The following CLYBL variants were observed in gnomAD, a reference collection of about 807,000 sequenced individuals.
CLYBL encodes citramalyl-CoA lyase, mitochondrial.
A neutral mutation model predicts 38.9 loss-of-function variants in CLYBL; 31 were observed. The observed-to-expected ratio is 0.80, with a 90% CI of 0.60 to 1.08. CLYBL has a LOEUF of 1.08. Among genes scored for constraint, CLYBL ranks in the 50% least tolerant of loss-of-function variants. The probability of loss-of-function intolerance (pLI) is 0.00; values close to 1 mark genes in which losing one functional copy is unlikely to be tolerated. For synonymous variants in CLYBL, 171 were observed against 158.6 expected (o/e 1.08, Z -0.59); for missense variants, 434 against 411.6 (o/e 1.05, Z -0.47).
chr13:99,708,025 C>A (rs575661691), intron 1 of CLYBL, among the ~76,000 whole-genome samples: 2 of 152,158 alleles, frequency 1.3e-5, no homozygotes, highest in Non-Finnish European at 2.9e-5. Context: ...GCTCTGTCAC[C>A]CAGGCTGGAT....
At chr13:99,619,765 G>A (rs17576658) in intron 1 of CLYBL, among the ~76,000 whole-genome samples, 28,570 of 152,154 alleles carry the variant, frequency 0.19, 3,331 homozygotes, top group Middle Eastern at 0.29. Context: ...GGATGGACAA[G>A]TTTCTTCCTG....
chr13:99,728,831 C>T (rs1297825759), intron 1 of CLYBL, among the ~76,000 whole-genome samples: 2 of 152,170 alleles, frequency 1.3e-5, no homozygotes, highest in African/African-American at 4.8e-5. Flanking sequence ...AAGCCTCCCA[C>T]CTCAGCCTCC....
At chr13:99,689,191 A>T (rs2047863161) in intron 1 of CLYBL, among the ~76,000 whole-genome samples, 1 of 152,308 alleles carries the variant, frequency 6.6e-6, no homozygotes, top group South Asian at 2.1e-4. Flanking sequence ...TTGACATTTT[A>T]AGCTTCATTA....
intron 1 of CLYBL, among the ~76,000 whole-genome samples, chr13:99,680,787 G>T (rs1461304238): frequency 6.6e-6 from 1 of 152,046 alleles, no homozygotes; most frequent in Non-Finnish European, 1.5e-5. Flanking sequence ...TGAAACTAAG[G>T]GCCCAGTCTT....
intron 1 of CLYBL, among the ~76,000 whole-genome samples, chr13:99,734,432 G>A (rs1056512873): frequency 3.3e-5 from 5 of 151,844 alleles, no homozygotes; most frequent in Non-Finnish European, 7.4e-5. Flanking sequence ...GGAGGAGAAT[G>A]TAACGTTGGC....
intron 1 of CLYBL, among the ~76,000 whole-genome samples, chr13:99,693,915 A>T (rs538974190): frequency 6.6e-6 from 1 of 152,194 alleles, no homozygotes; most frequent in Non-Finnish European, 1.5e-5. Flanking sequence ...GCTGGCCCCT[A>T]CTGAATTGGC....
Position 99,614,665 on chromosome 13 carries a change from C to T in CLYBL, c.62+7908C>T, listed in dbSNP as rs146584362. On this transcript the variant is annotated intron_variant, in intron 1 of 8. Coordinates refer to ENST00000339105, the MANE Select transcript of CLYBL (RefSeq NM_206808.5). Reference sequence around the variant, plus strand: ...GGCTCTGTTGCAGCTGTGTGGGGCTCGTGCTCCTACATACCGTTATCCTGT... The same window carrying T: ...GGCTCTGTTGCAGCTGTGTGGGGCTTGTGCTCCTACATACCGTTATCCTGT... Among the ~76,000 whole-genome samples, 200 of 152,224 alleles carry T rather than the reference C, an allele frequency of 1.3e-3. 3 individuals are homozygous for T. In the East Asian group the frequency reaches 0.034, roughly 26 times the overall value.
At chr13:99,616,833 G>A (rs942481874) in intron 1 of CLYBL, among the ~76,000 whole-genome samples, 4 of 152,142 alleles carry the variant, frequency 2.6e-5, no homozygotes, top group African/African-American at 9.7e-5. Context: ...GCGCATGCCT[G>A]TAGTCCCAGC....
intron 2 of CLYBL, among the ~76,000 whole-genome samples, chr13:99,847,809 G>A (rs187808052): frequency 6.4e-4 from 97 of 152,348 alleles, no homozygotes; most frequent in African/African-American, 2.2e-3. Context: ...AGGCAGGGCT[G>A]CAGGGCAGCT....
chr13:99,872,258 G>A (rs112213928), intron 7 of CLYBL, among the ~76,000 whole-genome samples: 2,283 of 152,196 alleles, frequency 0.015, 56 homozygotes, highest in African/African-American at 0.051. Flanking sequence ...AATATATTAC[G>A]TTGGAAATAC....
chr13:99,631,011 C>T (rs1201106222), intron 1 of CLYBL, among the ~76,000 whole-genome samples: 3 of 151,982 alleles, frequency 2.0e-5, no homozygotes, highest in East Asian at 1.9e-4. Flanking sequence ...ATTCTTTTAC[C>T]GTTACCAAAA....
chr13:99,848,521 C>T (rs1180126949), intron 2 of CLYBL, among the ~76,000 whole-genome samples: 1 of 152,204 alleles, frequency 6.6e-6, no homozygotes, highest in Non-Finnish European at 1.5e-5. Context: ...GGGCACATCC[C>T]CTGTTACCTA....
chr13:99,642,312 C>G (rs2047107623), intron 1 of CLYBL, among the ~76,000 whole-genome samples: 1 of 152,206 alleles, frequency 6.6e-6, no homozygotes, highest in South Asian at 2.1e-4. Flanking sequence ...TCAGCCAAAG[C>G]TGGTTGTAGG....
chr13:99,833,682 G>GTTT (rs2050870082), intron 2 of CLYBL, among the ~76,000 whole-genome samples: 1 of 69,524 alleles, frequency 1.4e-5, no homozygotes, highest in Non-Finnish European at 2.7e-5. Context: ...TTACCGTGTT[G>GTTT]CTTTTTTTTT....
intron 1 of CLYBL, among the ~76,000 whole-genome samples, chr13:99,612,386 C>CTTTTTTTTTTTTT: frequency 8.9e-6 from 1 of 112,366 alleles, no homozygotes; most frequent in Non-Finnish European, 1.7e-5. Context: ...GACCTTTCTA[C>CTTTTTTTTTTTTT]TTTTTTTTTT....
At chr13:99,676,543 G>C (rs1296352800) in intron 1 of CLYBL, among the ~76,000 whole-genome samples, 1 of 150,800 alleles carries the variant, frequency 6.6e-6, no homozygotes, top group East Asian at 2.0e-4. Flanking sequence ...AGTCACCTCA[G>C]CCTCCCAAAG....
At chr13:99,614,173 C>G (rs1035677211) in intron 1 of CLYBL, among the ~76,000 whole-genome samples, 5 of 151,974 alleles carry the variant, frequency 3.3e-5, no homozygotes, top group African/African-American at 1.2e-4. Context: ...TTGACAGAAG[C>G]TGGGAGAAAG....
At chr13:99,688,824 G>A (rs1193077554) in intron 1 of CLYBL, among the ~76,000 whole-genome samples, 1 of 152,186 alleles carries the variant, frequency 6.6e-6, no homozygotes, top group Non-Finnish European at 1.5e-5. Context: ...TGTGAAGTCA[G>A]AAAGTAAAAT....
At chr13:99,799,267 T>C (rs988303079) in intron 2 of CLYBL, among the ~76,000 whole-genome samples, 31 of 152,136 alleles carry the variant, frequency 2.0e-4, no homozygotes, top group African/African-American at 6.5e-4. Context: ...TTTATAGTCC[T>C]ATTCAAATAT....
Sources: gnomAD v4.1 joint callset for allele counts (sites outside exome capture counted in the v4.1 genomes callset) on GRCh38, gnomAD v4.1.1 for gene constraint, MANE v1.5 for transcripts, NCBI Gene and HGNC (gene_info 2026-07-23, HGNC 2026-07-21) for gene names.